Variants in KLF8 observed in about 807,000 individuals in gnomAD.
KLF8 encodes Krueppel-like factor 8.
A neutral mutation model predicts 18.2 loss-of-function variants in KLF8; 10 were observed. The ratio of observed to expected loss-of-function variants is 0.55; its 90% confidence interval spans 0.34 to 0.93. The LOEUF is 0.93. KLF8 is among the 40% of genes least tolerant of loss of function. The pLI, the probability that KLF8 is intolerant of heterozygous loss-of-function variation, is 0.02. For synonymous variants in KLF8, 109 were observed against 97.3 expected, an observed-to-expected ratio of 1.12 and a Z score of -0.71; for missense variants, 264 against 277.9, an observed-to-expected ratio of 0.95 and a Z score of 0.36.
the KLF8 span, among the ~76,000 whole-genome samples, chrX:56,208,249 C>T: frequency 1.8e-5 from 2 of 111,793 alleles, no homozygotes; most frequent in African/African-American, 3.3e-5. Flanking sequence ...TTCTTCCAGA[C>T]TCTCCAATTT....
the KLF8 span, among the ~76,000 whole-genome samples, chrX:56,075,330 C>A: frequency 9.0e-6 from 1 of 111,007 alleles, no homozygotes; most frequent in South Asian, 3.7e-4. Flanking sequence ...TGTAACTTTT[C>A]TGAATGCATT....
At chrX:55,964,231 A>T in the KLF8 span, among the ~76,000 whole-genome samples, 1 of 111,493 alleles carries the variant, frequency 9.0e-6, no homozygotes, top group African/African-American at 3.3e-5. Context: ...GAGCAAACCA[A>T]CCTCAAAAGT....
the KLF8 span, among the ~76,000 whole-genome samples, chrX:56,182,152 G>C: frequency 9.0e-6 from 1 of 111,524 alleles, no homozygotes; most frequent in Non-Finnish European, 1.9e-5. Flanking sequence ...TGGAGGCTTT[G>C]TTCATTTCTT....
chrX:55,965,839 G>C, the KLF8 span, among the ~76,000 whole-genome samples: 3 of 111,928 alleles, frequency 2.7e-5, no homozygotes, highest in African/African-American at 6.5e-5. Flanking sequence ...GAGGTGAAAC[G>C]TCTTTACAAT....
the KLF8 span, among the ~76,000 whole-genome samples, chrX:55,975,172 A>G: frequency 2.7e-5 from 3 of 111,330 alleles, no homozygotes; most frequent in East Asian, 8.4e-4. Flanking sequence ...AGATGATTAC[A>G]TTTGAGTTGA....
the KLF8 span, among the ~76,000 whole-genome samples, chrX:56,022,075 A>C: frequency 1.8e-5 from 2 of 111,532 alleles, no homozygotes; most frequent in Admixed American, 9.5e-5. Flanking sequence ...AAAATATCTG[A>C]ATTTAAGATT....
At chrX:56,031,707 G>A in the KLF8 span, among the ~76,000 whole-genome samples, 2 of 111,606 alleles carry the variant, frequency 1.8e-5, no homozygotes, top group African/African-American at 3.3e-5. Flanking sequence ...CCCAGTCAGC[G>A]AACCAAGAAA....
the KLF8 span, among the ~76,000 whole-genome samples, chrX:55,915,648 A>C: frequency 8.9e-6 from 1 of 112,153 alleles, no homozygotes; most frequent in African/African-American, 3.2e-5. Context: ...ATTTCACATA[A>C]AATAAGCTCA....
the KLF8 span, among the ~76,000 whole-genome samples, chrX:56,021,328 CCATAATTTAT>C: frequency 9.0e-6 from 1 of 111,323 alleles, no homozygotes; most frequent in Non-Finnish European, 1.9e-5. Flanking sequence ...TATGACTATA[CCATAATTTAT>C]TTACTCTTTC....
the KLF8 span, among the ~76,000 whole-genome samples, chrX:56,111,853 G>GAGAAAT: frequency 2.7e-5 from 3 of 112,159 alleles, no homozygotes; most frequent in African/African-American, 6.5e-5. Flanking sequence ...AGAGGATGTG[G>GAGAAAT]AGAAATAGAA....
chrX:56,221,948 A>G, the KLF8 span, among the ~76,000 whole-genome samples: 1 of 111,428 alleles, frequency 9.0e-6, no homozygotes, highest in Non-Finnish European at 1.9e-5. Flanking sequence ...GGTCTGTTTT[A>G]CAGGGAGCCG....
chrX:56,086,154 G>T, the KLF8 span, among the ~76,000 whole-genome samples: 1 of 112,216 alleles, frequency 8.9e-6, no homozygotes, highest in East Asian at 2.8e-4. Flanking sequence ...TTTGGGGACG[G>T]GTACAAGGAA....
At chrX:56,017,899 A>T in the KLF8 span, among the ~76,000 whole-genome samples, 5 of 111,532 alleles carry the variant, frequency 4.5e-5, no homozygotes, top group South Asian at 1.9e-3. Flanking sequence ...TTAATTTTAA[A>T]TTCTTAAATT....
the KLF8 span, among the ~76,000 whole-genome samples, chrX:56,214,395 A>G: frequency 8.9e-6 from 1 of 112,191 alleles, no homozygotes; most frequent in South Asian, 3.7e-4. Flanking sequence ...ATTATATGAC[A>G]TAATGTTATG....
the KLF8 span, among the ~76,000 whole-genome samples, chrX:56,134,919 G>A: frequency 9.0e-6 from 1 of 111,485 alleles, no homozygotes; most frequent in African/African-American, 3.3e-5. Flanking sequence ...AAAATGCTCA[G>A]CATCACTAAT....
chrX:56,194,490 G>C, the KLF8 span, among the ~76,000 whole-genome samples: 1 of 112,152 alleles, frequency 8.9e-6, no homozygotes, highest in African/African-American at 3.2e-5. Flanking sequence ...ACTGCGAGGT[G>C]GCAGCCTGAC....
the KLF8 span, among the ~76,000 whole-genome samples, chrX:56,027,825 G>A: frequency 8.9e-6 from 1 of 112,872 alleles, no homozygotes; most frequent in African/African-American, 3.2e-5. Context: ...AGGATTTAGT[G>A]TGTTACAGAC....
At chrX:56,194,343 A>C in the KLF8 span, among the ~76,000 whole-genome samples, 2 of 111,468 alleles carry the variant, frequency 1.8e-5, no homozygotes, top group Non-Finnish European at 3.8e-5. Flanking sequence ...ACCTGGAAAA[A>C]CGGGACACTC....
At chrX:55,925,792 G>C in the KLF8 span, among the ~76,000 whole-genome samples, 1 of 111,782 alleles carries the variant, frequency 8.9e-6, no homozygotes, top group East Asian at 2.8e-4. Flanking sequence ...TGGGGATAAG[G>C]GATGGTCCAA....
Sources: allele counts gnomAD v4.1 joint callset (sites outside exome capture counted in the v4.1 genomes callset), GRCh38; gene constraint gnomAD v4.1.1; transcripts MANE v1.5; gene names NCBI Gene and HGNC (gene_info 2026-07-23, HGNC 2026-07-21).